The following SLC35F4 variants were observed in gnomAD, a reference collection of about 807,000 sequenced individuals.
SLC35F4 encodes the protein solute carrier family 35 member F4, also known as chromosome 14 open reading frame 36.
SLC35F4 carries 24 observed loss-of-function variants against 44.2 expected under a neutral mutation model. The observed-to-expected ratio is 0.54, with a 90% CI of 0.39 to 0.76. SLC35F4 has a LOEUF of 0.76. Ranked by LOEUF, SLC35F4 falls within the 30% of genes least tolerant of loss-of-function variation. The pLI, the probability that SLC35F4 is intolerant of heterozygous loss-of-function variation, is 0.00. For missense variants in SLC35F4, 562 were observed against 586.1 expected (o/e 0.96, Z 0.42); for synonymous variants, 238 against 223.6 (o/e 1.06, Z -0.57).
chr14:57,754,314 A>G (rs1322966435), intron 1 of SLC35F4, among the ~76,000 whole-genome samples: 2 of 152,034 alleles, frequency 1.3e-5, no homozygotes, highest in African/African-American at 2.4e-5. Flanking sequence ...CATGTTGGCC[A>G]GTCTGGTCTC....
intron 1 of SLC35F4, among the ~76,000 whole-genome samples, chr14:57,615,632 C>T (rs879414021): frequency 1.3e-5 from 2 of 150,124 alleles, no homozygotes; most frequent in African/African-American, 2.5e-5. Context: ...AAAAAAAATA[C>T]TGCTCATAAT....
At chr14:57,947,327 A>T (rs945508099) in intron 1 of SLC35F4, among the ~76,000 whole-genome samples, 1 of 150,010 alleles carries the variant, frequency 6.7e-6, no homozygotes, top group African/African-American at 2.5e-5. Context: ...TTTGATTCTC[A>T]GGTTGGTCAC....
At chr14:57,723,338 C>T (rs2076130206) in intron 1 of SLC35F4, among the ~76,000 whole-genome samples, 1 of 152,174 alleles carries the variant, frequency 6.6e-6, no homozygotes, top group African/African-American at 2.4e-5. Flanking sequence ...GCTGCCTCTA[C>T]CTAGAAAAAT....
At chr14:57,954,242 C>T (rs923828600) in intron 1 of SLC35F4, among the ~76,000 whole-genome samples, 2 of 152,090 alleles carry the variant, frequency 1.3e-5, no homozygotes, top group African/African-American at 4.8e-5. Flanking sequence ...AACAAAGACA[C>T]AACATACCAG....
intron 1 of SLC35F4, among the ~76,000 whole-genome samples, chr14:57,933,982 A>C (rs1166772909): frequency 6.6e-6 from 1 of 152,222 alleles, no homozygotes; most frequent in East Asian, 1.9e-4. Flanking sequence ...GGGGTTTGCC[A>C]TCGGTCTTCA....
chr14:57,980,812 T>A (rs933657631), intron 1 of SLC35F4, among the ~76,000 whole-genome samples: 19 of 152,206 alleles, frequency 1.2e-4, no homozygotes, highest in African/African-American at 4.6e-4. Context: ...CAACTAGCCA[T>A]ATTTCAAAAA....
At chr14:57,845,745 T>A in intron 1 of SLC35F4, among the ~76,000 whole-genome samples, 1 of 152,334 alleles carries the variant, frequency 6.6e-6, no homozygotes, top group Non-Finnish European at 1.5e-5. Flanking sequence ...AAATATTTTT[T>A]AAAAAGATAG....
chr14:57,962,353 G>T (rs17094010), intron 1 of SLC35F4, among the ~76,000 whole-genome samples: 6,636 of 152,290 alleles, frequency 0.044, 382 homozygotes, highest in East Asian at 0.25. Context: ...GATGTGGCCT[G>T]ACCCTGACTA....
At chr14:57,644,728 T>C (rs1442544595) in intron 1 of SLC35F4, among the ~76,000 whole-genome samples, 1 of 152,232 alleles carries the variant, frequency 6.6e-6, no homozygotes, top group Non-Finnish European at 1.5e-5. Context: ...GGTTTTCTTC[T>C]AGGGTTTTTA....
chr14:57,700,613 AT>A (rs1430437986), intron 1 of SLC35F4, among the ~76,000 whole-genome samples: 3 of 152,074 alleles, frequency 2.0e-5, no homozygotes, highest in African/African-American at 7.2e-5. Context: ...GTACAAAAAC[AT>A]TTTCAGGCCA....
intron 7 of SLC35F4, among the ~76,000 whole-genome samples, chr14:57,565,739 C>T (rs1440703279): frequency 2.6e-5 from 4 of 152,064 alleles, no homozygotes; most frequent in African/African-American, 9.7e-5. Flanking sequence ...CCTTCTTTTA[C>T]AAATTCAGCC....
chr14:57,570,337 A>T (rs1267994565), intron 5 of SLC35F4, among the ~76,000 whole-genome samples: 2 of 152,196 alleles, frequency 1.3e-5, no homozygotes, highest in African/African-American at 2.4e-5. Context: ...CCTTAACTTA[A>T]AGCATGGGAT....
At chr14:57,720,227 G>T (rs143254883) in intron 1 of SLC35F4, among the ~76,000 whole-genome samples, 2,031 of 152,066 alleles carry the variant, frequency 0.013, 24 homozygotes, top group South Asian at 0.059. Flanking sequence ...TGTTGAATTT[G>T]GTTTGCTAGT....
At chr14:57,717,276 T>C (rs934867086) in intron 1 of SLC35F4, among the ~76,000 whole-genome samples, 4 of 152,296 alleles carry the variant, frequency 2.6e-5, no homozygotes, top group Admixed American at 6.5e-5. Context: ...TTTTAGTTTT[T>C]TGAGGATCCT....
intron 1 of SLC35F4, among the ~76,000 whole-genome samples, chr14:57,622,381 C>T (rs79614936): frequency 2.1e-5 from 3 of 142,794 alleles, no homozygotes; most frequent in African/African-American, 2.6e-5. Context: ...ATGTTTATTG[C>T]GGCACTATTC....
chr14:57,886,483 T>C (rs1888648544), intron 1 of SLC35F4, among the ~76,000 whole-genome samples: 1 of 152,194 alleles, frequency 6.6e-6, no homozygotes, highest in East Asian at 1.9e-4. Context: ...AGTCAACATC[T>C]TAATGTAAGT....
intron 1 of SLC35F4, among the ~76,000 whole-genome samples, chr14:57,735,586 G>T (rs537619773): frequency 1.3e-5 from 2 of 152,238 alleles, no homozygotes; most frequent in Admixed American, 6.5e-5. Context: ...CTGTCTCAGG[G>T]CAATGCCTGT....
intron 1 of SLC35F4, among the ~76,000 whole-genome samples, chr14:57,603,669 T>C (rs958296208): frequency 2.6e-5 from 4 of 152,210 alleles, no homozygotes; most frequent in African/African-American, 9.7e-5. Context: ...CTCAGCCAGA[T>C]TGTTACAGCT....
intron 1 of SLC35F4, among the ~76,000 whole-genome samples, chr14:57,918,264 T>C (rs1889370860): frequency 6.6e-6 from 1 of 151,046 alleles, no homozygotes; most frequent in African/African-American, 2.4e-5. Flanking sequence ...CTCCCTGGAG[T>C]TTTTAACTCT....
Sources: allele counts gnomAD v4.1 joint callset (sites outside exome capture counted in the v4.1 genomes callset), GRCh38; gene constraint gnomAD v4.1.1; transcripts MANE v1.5; gene names NCBI Gene and HGNC (gene_info 2026-07-23, HGNC 2026-07-21).